Variants in SRGAP1 observed in about 807,000 individuals in gnomAD.
SRGAP1 encodes the protein SLIT-ROBO Rho GTPase activating protein 1, also known as SLIT-ROBO Rho GTPase-activating protein 1.
Under a neutral mutation model 121.9 loss-of-function variants are expected in SRGAP1, and 43 were observed. The observed-to-expected ratio is 0.35, with a 90% confidence interval of 0.28 to 0.46. SRGAP1 has a LOEUF of 0.46. SRGAP1 is among the 20% of genes least tolerant of loss of function. The probability of loss-of-function intolerance (pLI) is 1.00; values close to 1 mark genes in which losing one functional copy is unlikely to be tolerated. For synonymous variants in SRGAP1, 447 were observed against 485.4 expected, an observed-to-expected ratio of 0.92 and a Z score of 1.04; for missense variants, 1,102 against 1,350.9, an observed-to-expected ratio of 0.82 and a Z score of 2.89.
chr12:63,851,591 CTT>C (rs568426197), intron 1 of SRGAP1, among the ~76,000 whole-genome samples: 33 of 139,774 alleles, frequency 2.4e-4, no homozygotes, highest in Admixed American at 5.1e-4. Context: ...TTCTTTCTTT[CTT>C]TTTTTTTTTT....
intron 21 of SRGAP1, among the ~76,000 whole-genome samples, chr12:64,136,504 AAATG>A (rs1381340481): frequency 6.6e-6 from 1 of 152,258 alleles, no homozygotes; most frequent in East Asian, 1.9e-4. Context: ...AGTGAATGAG[AAATG>A]AATGAAACAT....
chr12:64,003,478 GAAAA>G (rs531819299), intron 3 of SRGAP1, among the ~76,000 whole-genome samples: 25 of 42,802 alleles, frequency 5.8e-4, no homozygotes, highest in African/African-American at 1.3e-3. Context: ...GGAAGTTTCA[GAAAA>G]AAAAAAAAAA....
chr12:63,904,181 C>T (rs920964971), intron 1 of SRGAP1, among the ~76,000 whole-genome samples: 3 of 152,130 alleles, frequency 2.0e-5, no homozygotes, highest in African/African-American at 7.2e-5. Context: ...AACTATGCTC[C>T]TTTCTCCTTT....
chr12:63,973,102 C>G (rs1294568884), intron 1 of SRGAP1, among the ~76,000 whole-genome samples: 1 of 152,102 alleles, frequency 6.6e-6, no homozygotes, highest in African/African-American at 2.4e-5. Flanking sequence ...GAGCCAAGAT[C>G]GCGCTACTGC....
At chr12:64,137,156 C>T (rs1023661691) in intron 21 of SRGAP1, among the ~76,000 whole-genome samples, 1 of 151,662 alleles carries the variant, frequency 6.6e-6, no homozygotes, top group African/African-American at 2.4e-5. Flanking sequence ...CTGAGTTACT[C>T]GGGTGGCTGA....
rs545367378 is a variant in SRGAP1, at chr12:64,110,841, A to G, written c.1920-921A>G. On this transcript the variant is annotated intron_variant, in intron 16 of 21. Coordinates refer to ENST00000355086, the MANE Select transcript of SRGAP1 (RefSeq NM_020762.4). ...CCTAGACTATCTTATTTCCAAAAAA[A>G]GGGTAAAGTATCATGTCATGTGGTA... Among the ~76,000 whole-genome samples the G allele has an allele frequency of 6.4e-4, 98 of 152,328 alleles. 1 individual carries two copies. The highest frequency in any genetic ancestry group is 2.3e-3 in the African/African-American group (96 of 41,584).
At chr12:63,895,660 A>G (rs1565940406) in intron 1 of SRGAP1, among the ~76,000 whole-genome samples, 1 of 152,230 alleles carries the variant, frequency 6.6e-6, no homozygotes, top group Non-Finnish European at 1.5e-5. Flanking sequence ...CCTTTAACCT[A>G]GTAACCTCCC....
chr12:63,853,867 T>C (rs1290947918), intron 1 of SRGAP1, among the ~76,000 whole-genome samples: 2 of 152,246 alleles, frequency 1.3e-5, no homozygotes, highest in Non-Finnish European at 1.5e-5. Context: ...CAAGCAAAGC[T>C]TAGCCTCTGG....
rs934320429 is a variant in SRGAP1 at position 63,983,831 on chromosome 12, T to A, written c.68-116T>A. ...ATATATATATATATATATATATATA[T>A]ATATATATATATATATATATATATT... On this transcript the variant is annotated intron_variant, in intron 1 of 21. Transcript: ENST00000355086. 3.4e-5 allele frequency: 4 copies of A among 116,052 alleles called. 1 individual carries two copies. Among genetic ancestry groups the A allele is most frequent in the African/African-American group, 1.6e-4 (4 of 24,524 alleles). The allele number at this position is 116,052 out of a possible 1,614,324, so 7.2% of individuals were successfully genotyped here. A position where few individuals can be genotyped will look rare whatever the true frequency, so the allele number is the denominator to read the frequency against.
At position 64,097,279 on chromosome 12, in the gene SRGAP1, A is replaced by T. The variant is rs2136594548; in HGVS notation, c.1717A>T (p.Ile573Phe). Residue 573 changes from isoleucine (I) to phenylalanine (F), a missense_variant, in exon 15 of 22, where the codon ATT becomes TTT. Ile to Phe is a conservative substitution (Grantham distance 21). Coordinates refer to ENST00000355086, the MANE Select transcript of SRGAP1 (RefSeq NM_020762.4). Reference sequence around the variant, plus strand: ...GGCTGATGACCAGAGTAACCATGATATTAACTCAGTTGCTGGCGTTCTGAA... The same window carrying T: ...GGCTGATGACCAGAGTAACCATGATTTTAACTCAGTTGCTGGCGTTCTGAA... ...PLADDQSNHD[I>F]NSVAGVLKLY... 1 of 1,611,022 alleles carries T rather than the reference A, an allele frequency of 6.2e-7. No individual in the cohort carries two copies.
chr12:64,091,580 A>T (rs789744), intron 12 of SRGAP1, among the ~76,000 whole-genome samples: 1 of 152,044 alleles, frequency 6.6e-6, no homozygotes. Flanking sequence ...AATAAATGTG[A>T]GTATTATTAT....
Position 63,877,089 on chromosome 12 carries a change from G to A in SRGAP1, c.67+32206G>A, listed in dbSNP as rs1900052521. Reference sequence around the variant, plus strand: ...AAATACAAAAAATTAGCTGAGCATGGTGGCATGCGCCTGTAATCTTAGCTA... The same window carrying A: ...AAATACAAAAAATTAGCTGAGCATGATGGCATGCGCCTGTAATCTTAGCTA... On this transcript the variant is annotated intron_variant, in intron 1 of 21. Transcript: ENST00000355086. Among the ~76,000 whole-genome samples, 5 of 152,174 alleles carry A rather than the reference G, an allele frequency of 3.3e-5. No individual in the cohort carries two copies. The South Asian group carries it at 1.0e-3, about 32-fold the overall frequency.
At chr12:64,046,650 AG>A (rs2035136332) in intron 6 of SRGAP1, among the ~76,000 whole-genome samples, 1 of 152,184 alleles carries the variant, frequency 6.6e-6, no homozygotes, top group Non-Finnish European at 1.5e-5. Context: ...TGGGGGCCCC[AG>A]GGGAGAAGCA....
At chr12:64,056,878 C>G (rs978160755) in intron 6 of SRGAP1, among the ~76,000 whole-genome samples, 1 of 152,070 alleles carries the variant, frequency 6.6e-6, no homozygotes, top group South Asian at 2.1e-4. Flanking sequence ...CTTCAGCTGC[C>G]CTATATAAAA....
Position 63,979,038 on chromosome 12 carries a change from CTTTTTTTTTTT to C in SRGAP1, c.68-4895_68-4885del, listed in dbSNP as rs34235730. Among the ~76,000 whole-genome samples the C allele has an allele frequency of 3.7e-5, 3 of 82,116 alleles. No homozygotes were observed. In the Admixed American group the frequency reaches 5.0e-4, roughly 14 times the overall value. 53.9% of individuals were successfully genotyped at this position (82,116 alleles called of 152,430 possible). Reference sequence around the variant, plus strand: ...GAAATGTCTGTTGAGACCCTTTGACCTTTTTTTTTTTTTTTTTTTTTTTTGAGATGGAGTCT... The same window carrying C: ...GAAATGTCTGTTGAGACCCTTTGACCTTTTTTTTTTTTTGAGATGGAGTCT... On this transcript the variant is annotated intron_variant, in intron 1 of 21. Coordinates refer to ENST00000355086, the MANE Select transcript of SRGAP1 (RefSeq NM_020762.4).
rs1228343842 is a variant in SRGAP1, at chr12:64,154,224, CA to C, written c.*11554del. On this transcript the variant is annotated 3_prime_UTR_variant, in exon 22 of 22. Transcript: ENST00000355086. ...AAAGTTCTAAAGATCTGTTGTCCAA[CA>C]ATATGCATGCAGATAACATCATATT... 4 of 152,162 alleles carry C rather than the reference CA, an allele frequency of 2.6e-5. No individual in the cohort carries two copies. Among genetic ancestry groups the C allele is most frequent in the Admixed American group, 6.5e-5 (1 of 15,278 alleles). The allele number at this position is 152,162 out of a possible 1,614,324, so 9.4% of individuals were successfully genotyped here.
chr12:63,977,816 A>C (rs146637091), intron 1 of SRGAP1, among the ~76,000 whole-genome samples: 86 of 152,268 alleles, frequency 5.6e-4, no homozygotes, highest in African/African-American at 1.8e-3. Context: ...TTAAAAAAAA[A>C]CAGTAAATTT....
chr12:64,077,446 A>G (rs1043146252), intron 8 of SRGAP1, among the ~76,000 whole-genome samples: 2 of 149,810 alleles, frequency 1.3e-5, no homozygotes, highest in Non-Finnish European at 3.0e-5. Context: ...ACATAAAATA[A>G]TAATGTCTTA....
intron 1 of SRGAP1, among the ~76,000 whole-genome samples, chr12:63,885,816 A>C (rs568865792): frequency 6.6e-6 from 1 of 152,228 alleles, no homozygotes; most frequent in Non-Finnish European, 1.5e-5. Flanking sequence ...ATTGGAAGTT[A>C]TGAGCCAGGA....
Sources: gnomAD v4.1 joint callset for allele counts (sites outside exome capture counted in the v4.1 genomes callset) on GRCh38, gnomAD v4.1.1 for gene constraint, MANE v1.5 for transcripts, NCBI Gene and HGNC (gene_info 2026-07-23, HGNC 2026-07-21) for gene names.